MORN3: variants seen among roughly 807,000 people sequenced by gnomAD.
MORN3 encodes MORN repeat containing 3.
A neutral mutation model predicts 34.7 loss-of-function variants in MORN3; 38 were observed. The ratio of observed to expected loss-of-function variants is 1.10; its 90% confidence interval spans 0.85 to 1.44. The LOEUF is 1.44. MORN3 is among the 40% of genes most tolerant of loss of function. The probability of loss-of-function intolerance (pLI) is 0.00; values close to 1 mark genes in which losing one functional copy is unlikely to be tolerated. For missense variants in MORN3, 311 were observed against 321.7 expected, an observed-to-expected ratio of 0.97 and a Z score of 0.25; for synonymous variants, 109 against 115.3, an observed-to-expected ratio of 0.95 and a Z score of 0.35.
chr12:121,654,922 T>C (rs901049687), intron 2 of MORN3, among the ~76,000 whole-genome samples: 6 of 151,980 alleles, frequency 3.9e-5, no homozygotes, highest in African/African-American at 1.2e-4. Flanking sequence ...GATCTCCCCA[T>C]GCTCTGTTTC....
intron 2 of MORN3, among the ~76,000 whole-genome samples, chr12:121,658,128 A>G (rs1403506218): frequency 6.6e-6 from 1 of 152,138 alleles, no homozygotes; most frequent in Non-Finnish European, 1.5e-5. Flanking sequence ...GAGTAATAAT[A>G]CAACTCAAGG....
At chr12:121,664,886 A>AAC (rs1893695298) in intron 1 of MORN3, among the ~76,000 whole-genome samples, 2 of 150,980 alleles carry the variant, frequency 1.3e-5, no homozygotes, top group African/African-American at 2.4e-5. Context: ...AAAAAAAAAA[A>AAC]AGACACTGAT....
chr12:121,659,017 C>T (rs916639396), intron 2 of MORN3, among the ~76,000 whole-genome samples, 174 bp downstream of exon 2: 1 of 151,918 alleles, frequency 6.6e-6, no homozygotes, highest in Admixed American at 6.6e-5. Flanking sequence ...TTCTGAGAAA[C>T]TTTGCAATTC....
chr12:121,667,252 G>A (rs1000519226), intron 1 of MORN3, among the ~76,000 whole-genome samples: 1 of 151,080 alleles, frequency 6.6e-6, no homozygotes, highest in Admixed American at 6.6e-5. Flanking sequence ...ATAAGCGACC[G>A]CGCCAGGACT....
At chr12:121,666,766 G>A in intron 1 of MORN3, among the ~76,000 whole-genome samples, 1 of 151,946 alleles carries the variant, frequency 6.6e-6, no homozygotes, top group East Asian at 1.9e-4. Context: ...GGGCCTCTGA[G>A]GGGTCTTCCT....
upstream of MORN3, chr12:121,672,553 C>T (rs1031428166): frequency 1.3e-5 from 2 of 152,306 alleles, no homozygotes; most frequent in Non-Finnish European, 2.9e-5. Flanking sequence ...GCCTGCCCCA[C>T]CTGCGCCCGG....
At chr12:121,664,499 C>T (rs1213546741) in intron 1 of MORN3, among the ~76,000 whole-genome samples, 1 of 152,194 alleles carries the variant, frequency 6.6e-6, no homozygotes, top group Non-Finnish European at 1.5e-5. Context: ...TGGCTCACGC[C>T]TGTAATCGCA....
intron 2 of MORN3, among the ~76,000 whole-genome samples, chr12:121,658,362 G>C (rs1054305788): frequency 3.3e-5 from 5 of 151,866 alleles, no homozygotes; most frequent in Non-Finnish European, 7.4e-5. Context: ...GTCAGGGGAT[G>C]GAGACCATCC....
chr12:121,657,118 G>A (rs531206650), intron 2 of MORN3, among the ~76,000 whole-genome samples: 2 of 152,192 alleles, frequency 1.3e-5, no homozygotes, highest in African/African-American at 2.4e-5. Flanking sequence ...GTCCATTCCT[G>A]GGCTTAAGCT....
In MORN3 at chr12:121,659,195, T is replaced by G. The variant is rs145602619; in HGVS notation, c.299A>C (p.Lys100Thr). 9.3e-6 allele frequency: 15 copies of G among 1,610,106 alleles called. No individual in the cohort carries two copies. The African/African-American group carries it at 2.0e-4, about 22-fold the overall frequency. ...VYSGWWKGDK[K>T]SGYGIQFFGP... ...CCGGCTGGCAGGCCTGCTCACCGAT[T>G]TCTTATCACCTTTCCACCAGCCTGA... Residue 100 changes from lysine to threonine, a missense_variant, in exon 2 of 6, where the codon AAA becomes ACA. Lys to Thr is a moderately conservative substitution (Grantham distance 78). Coordinates refer to ENST00000355329, the MANE Select transcript of MORN3 (RefSeq NM_173855.5).
Position 121,669,319 on chromosome 12 carries a change from C to A in MORN3, c.145+20G>T. 1.2e-6 allele frequency: 2 copies of A among 1,611,672 alleles called. No individual in the cohort carries two copies. The highest frequency in any genetic ancestry group is 1.7e-6 in the Non-Finnish European group (2 of 1,178,560). ...TGGCTCTGACCCCACTCCGGCCGCC[C>A]GTCCCGGAGTCCCACTCACCGTGTT... On this transcript the variant is annotated intron_variant, in intron 1 of 5. Coordinates refer to ENST00000355329, the MANE Select transcript of MORN3 (RefSeq NM_173855.5).
chr12:121,654,204 A>T, intron 3 of MORN3, 70 bp downstream of exon 3: 1 of 1,328,278 alleles, frequency 7.5e-7, no homozygotes, highest in East Asian at 2.6e-5. Flanking sequence ...TGTGGGACCA[A>T]ATGGGCGTGG....
rs186526457 is a variant in MORN3 at position 121,653,248 on chromosome 12, G to A, written c.475C>T (p.Arg159Cys). The change falls in exon 4 of 6, where the codon CGC becomes TGC. Residue 159 changes from arginine to cysteine, a missense_variant. Coordinates refer to ENST00000355329, the MANE Select transcript of MORN3 (RefSeq NM_173855.5). ...EGMLRLKNGN[R>C]YEGCWERGMK... ...CCTCTCTCCCAGCAGCCCTCGTAGCGGTTCCCGTTCTCTGGGGGAAAGGAC... is the reference window on the plus strand; with the variant it reads ...CCTCTCTCCCAGCAGCCCTCGTAGCAGTTCCCGTTCTCTGGGGGAAAGGAC... The A allele has an allele frequency of 5.4e-4, 867 of 1,613,868 alleles. 3 individuals carry two copies. The highest frequency in any genetic ancestry group is 4.0e-4 in the East Asian group (18 of 44,882).
At chr12:121,653,416 T>C (rs1437195850) in intron 3 of MORN3, among the ~76,000 whole-genome samples, 157 bp from the exon 4 acceptor site, 3 of 151,930 alleles carry the variant, frequency 2.0e-5, no homozygotes, top group Non-Finnish European at 2.9e-5. Flanking sequence ...CTGAGCAACA[T>C]AGTGAGACCA....
chr12:121,665,917 C>T (rs536333244), intron 1 of MORN3, among the ~76,000 whole-genome samples: 2 of 152,076 alleles, frequency 1.3e-5, no homozygotes, highest in South Asian at 4.2e-4. Context: ...ACACTGAAGA[C>T]CCTAGGACAG....
chr12:121,669,206 C>T, intron 1 of MORN3, 133 bp downstream of exon 1: 2 of 1,223,030 alleles, frequency 1.6e-6, no homozygotes, highest in Non-Finnish European at 2.3e-6. Flanking sequence ...CTGGCCTGGG[C>T]CAGCGCTCAC....
chr12:121,662,694 A>G (rs1487585979), intron 1 of MORN3, among the ~76,000 whole-genome samples: 1 of 146,956 alleles, frequency 6.8e-6, no homozygotes, highest in Non-Finnish European at 1.5e-5. Context: ...CGGAGGTTGT[A>G]GTGAGCCGAG....
chr12:121,668,513 C>T (rs1330786624), intron 1 of MORN3, among the ~76,000 whole-genome samples: 4 of 152,088 alleles, frequency 2.6e-5, no homozygotes, highest in African/African-American at 9.7e-5. Context: ...TGCACTCCAG[C>T]GTGGGCAACA....
chr12:121,671,112 C>CA (rs373837950), upstream of MORN3, among the ~76,000 whole-genome samples: 24,424 of 86,540 alleles, frequency 0.28, 2,427 homozygotes, highest in Non-Finnish European at 0.32. Context: ...GACTCTGTCT[C>CA]AAAAAAAAAA....
Sources: gnomAD v4.1 joint callset for allele counts (sites outside exome capture counted in the v4.1 genomes callset) on GRCh38, gnomAD v4.1.1 for gene constraint, MANE v1.5 for transcripts, NCBI Gene and HGNC (gene_info 2026-07-23, HGNC 2026-07-21) for gene names.